Variants in ARMH3 observed in about 807,000 individuals in gnomAD.
The protein encoded by ARMH3 is armadillo-like helical domain-containing protein 3.
Under a neutral mutation model 99.1 loss-of-function variants are expected in ARMH3, and 60 were observed. The observed-to-expected ratio is 0.61, with a 90% CI of 0.49 to 0.75. The LOEUF is 0.75. ARMH3 is among the 30% of genes least tolerant of loss of function. ARMH3 has a pLI of 0.00. For synonymous variants in ARMH3, 285 were observed against 292.8 expected, an observed-to-expected ratio of 0.97 and a Z score of 0.27; for missense variants, 679 against 843.1, an observed-to-expected ratio of 0.81 and a Z score of 2.41.
chr10:101,965,923 A>T (rs1423653752), intron 20 of ARMH3, among the ~76,000 whole-genome samples: 1 of 152,140 alleles, frequency 6.6e-6, no homozygotes, highest in Non-Finnish European at 1.5e-5. Flanking sequence ...ATCTGCTGAA[A>T]GAGTATGACA....
intron 20 of ARMH3, among the ~76,000 whole-genome samples, chr10:101,972,513 G>A (rs1845815293): frequency 6.6e-6 from 1 of 152,208 alleles, no homozygotes; most frequent in South Asian, 2.1e-4. Context: ...AAGTCTAGAA[G>A]GCAAAGAAAG....
intron 22 of ARMH3, among the ~76,000 whole-genome samples, chr10:101,950,902 A>G (rs1844753325): frequency 6.6e-6 from 1 of 152,212 alleles, no homozygotes; most frequent in Admixed American, 6.5e-5. Context: ...CTCTGACTAT[A>G]GTGAAACTCA....
chr10:102,042,997 G>A (rs991999999), intron 1 of ARMH3, among the ~76,000 whole-genome samples: 1 of 152,162 alleles, frequency 6.6e-6, no homozygotes, highest in Non-Finnish European at 1.5e-5. Context: ...GCTTGAACCT[G>A]GGAGGTAGAG....
At chr10:102,024,520 C>T (rs1037474788) in intron 6 of ARMH3, among the ~76,000 whole-genome samples, 1 of 151,936 alleles carries the variant, frequency 6.6e-6, no homozygotes, top group African/African-American at 2.4e-5. Context: ...TGGCTCACAC[C>T]TGTAATCCCA....
At chr10:101,887,850 G>A (rs1176985441) in intron 24 of ARMH3, among the ~76,000 whole-genome samples, 1 of 151,872 alleles carries the variant, frequency 6.6e-6, no homozygotes, top group Non-Finnish European at 1.5e-5. Context: ...TTTTTGAGAG[G>A]CACTTTCATC....
At chr10:101,873,065 G>A (rs1403069958) in intron 24 of ARMH3, among the ~76,000 whole-genome samples, 3 of 151,898 alleles carry the variant, frequency 2.0e-5, no homozygotes, top group Non-Finnish European at 4.4e-5. Context: ...TGGAACTTTC[G>A]TATGTTCGTT....
chr10:102,009,295 G>A, intron 13 of ARMH3, 79 bp downstream of exon 13: 1 of 1,337,512 alleles, frequency 7.5e-7, no homozygotes, highest in Non-Finnish European at 1.1e-6. Context: ...AACAAGTACA[G>A]CCAGATAGGC....
intron 19 of ARMH3, among the ~76,000 whole-genome samples, chr10:101,979,195 T>C (rs1846131901): frequency 6.6e-6 from 1 of 152,054 alleles, no homozygotes; most frequent in African/African-American, 2.4e-5. Flanking sequence ...CAAACAGTAA[T>C]GGTGGCATTC....
intron 8 of ARMH3, among the ~76,000 whole-genome samples, chr10:102,019,056 C>CT (rs1166545062): frequency 6.7e-6 from 1 of 149,598 alleles, no homozygotes; most frequent in East Asian, 1.9e-4. Flanking sequence ...CTATACTATA[C>CT]TTTTTTTTTT....
At chr10:102,054,314 G>A (rs868372070) in intron 1 of ARMH3, among the ~76,000 whole-genome samples, 5 of 151,606 alleles carry the variant, frequency 3.3e-5, no homozygotes, top group African/African-American at 9.7e-5. Flanking sequence ...GCTGGAACCC[G>A]AGAGACGGAG....
intron 23 of ARMH3, among the ~76,000 whole-genome samples, chr10:101,891,140 C>T (rs2067680035): frequency 6.6e-6 from 1 of 151,832 alleles, no homozygotes; most frequent in South Asian, 2.1e-4. Context: ...TCCTAAAATG[C>T]TGGGATTACA....
At chr10:101,935,186 T>TATATATATATATATATAC (rs1843906238) in intron 23 of ARMH3, among the ~76,000 whole-genome samples, 1 of 146,798 alleles carries the variant, frequency 6.8e-6, no homozygotes, top group African/African-American at 2.5e-5. Flanking sequence ...TATATATATA[T>TATATATATATATATATAC]ATATATATAT....
intron 8 of ARMH3, among the ~76,000 whole-genome samples, chr10:102,019,721 A>G (rs1181302420): frequency 6.6e-6 from 1 of 151,774 alleles, no homozygotes; most frequent in Non-Finnish European, 1.5e-5. Flanking sequence ...AGGTCAGGAG[A>G]TCGAGACCAT....
At chr10:101,918,420 T>TA (rs1490967249) in intron 23 of ARMH3, among the ~76,000 whole-genome samples, 2 of 152,170 alleles carry the variant, frequency 1.3e-5, no homozygotes, top group African/African-American at 4.8e-5. Flanking sequence ...CATTCATAGT[T>TA]AGTCTACTTT....
At chr10:102,013,082 G>A (rs1390891657) in intron 9 of ARMH3, among the ~76,000 whole-genome samples, 2 of 152,194 alleles carry the variant, frequency 1.3e-5, no homozygotes, top group Non-Finnish European at 2.9e-5. Context: ...TTATCTTAAT[G>A]TTCCCAGGTA....
intron 14 of ARMH3, among the ~76,000 whole-genome samples, chr10:102,004,618 T>C (rs947799778): frequency 6.6e-6 from 1 of 152,138 alleles, no homozygotes; most frequent in African/African-American, 2.4e-5. Context: ...AACCCCAACA[T>C]CACATGGAAC....
At position 101,960,804 on chromosome 10, in the gene ARMH3, C is replaced by T. The variant is rs989124065; in HGVS notation, c.1496-3072G>A. On this transcript the variant is annotated intron_variant, in intron 20 of 25. Transcript: ENST00000370033. ...ACTCGTGAGGCTGAGGCAGGAGAAT[C>T]GCTTGAACCTGGAAGGCGGAGTTTG... Among the ~76,000 whole-genome samples, 3 of 150,450 alleles carry T rather than the reference C, an allele frequency of 2.0e-5. No homozygotes were observed. In the East Asian group the frequency reaches 5.9e-4, roughly 30 times the overall value.
intron 11 of ARMH3, among the ~76,000 whole-genome samples, chr10:102,010,990 C>G (rs543565724): frequency 1.3e-5 from 2 of 152,074 alleles, no homozygotes; most frequent in African/African-American, 2.4e-5. Context: ...TGCAACTAAC[C>G]AAAAAATTGT....
intron 14 of ARMH3, among the ~76,000 whole-genome samples, chr10:102,006,214 A>G (rs1021397651): frequency 6.6e-6 from 1 of 152,342 alleles, no homozygotes; most frequent in Admixed American, 6.5e-5. Flanking sequence ...TTTTCACAAA[A>G]TATCTCATCT....
Sources: gnomAD v4.1 joint callset for allele counts (sites outside exome capture counted in the v4.1 genomes callset) on GRCh38, gnomAD v4.1.1 for gene constraint, MANE v1.5 for transcripts, NCBI Gene and HGNC (gene_info 2026-07-23, HGNC 2026-07-21) for gene names.